RAB3GAP2: variants seen among roughly 807,000 people sequenced by gnomAD.
RAB3GAP2 encodes RAB3 GTPase activating non-catalytic protein subunit 2, also known as rab3 GTPase-activating protein non-catalytic subunit.
RAB3GAP2 carries 87 observed loss-of-function variants against 185.3 expected under a neutral mutation model. That is an observed-to-expected ratio of 0.47 (90% CI 0.39 to 0.56). RAB3GAP2 has a LOEUF of 0.56. Among genes scored for constraint, RAB3GAP2 ranks in the 20% least tolerant of loss-of-function variants. The pLI, the probability that RAB3GAP2 is intolerant of heterozygous loss-of-function variation, is 0.00. For missense variants in RAB3GAP2, 1,492 were observed against 1,638.2 expected (o/e 0.91, Z 1.54); for synonymous variants, 554 against 576.1 (o/e 0.96, Z 0.55).
rs1251272203 is a variant in RAB3GAP2, at chr1:220,184,095, CAT to C, written c.1937_1938del (p.Tyr646Ter). Reference sequence around the variant, plus strand: ...AGGGAATTTAATTGACTGACAGACTCATAGAGTTGCAGCAGTTTTAGTTTATT... The same window carrying C: ...AGGGAATTTAATTGACTGACAGACTCAGAGTTGCAGCAGTTTTAGTTTATT... The part of the protein sequence containing the change: ...CANKLKLLQL[Y>X]ESVSQLNSLD... On this transcript the variant is annotated frameshift_variant, in exon 19 of 35. Transcript: ENST00000358951. LOFTEE classifies it high-confidence loss of function. 3.1e-6 allele frequency: 5 copies of C among 1,604,636 alleles called. No individual in the cohort carries two copies. Among genetic ancestry groups the C allele is most frequent in the Non-Finnish European group, 4.3e-6 (5 of 1,171,898 alleles).
chr1:220,179,244 CAAAAAAAAAAA>C (rs71169437), intron 21 of RAB3GAP2, among the ~76,000 whole-genome samples: 6 of 56,828 alleles, frequency 1.1e-4, no homozygotes, highest in African/African-American at 3.0e-4. Flanking sequence ...GAGACTGTCT[CAAAAAAAAAAA>C]AAAAAAAAAA....
At chr1:220,188,789 C>A (rs570708043) in intron 17 of RAB3GAP2, among the ~76,000 whole-genome samples, 1 of 152,200 alleles carries the variant, frequency 6.6e-6, no homozygotes, top group Non-Finnish European at 1.5e-5. Context: ...ACAACCTAAC[C>A]GTTCACTGAC....
intron 28 of RAB3GAP2, among the ~76,000 whole-genome samples, chr1:220,160,368 A>G (rs572783931): frequency 2.6e-4 from 40 of 152,332 alleles, no homozygotes; most frequent in Non-Finnish European, 5.6e-4. Flanking sequence ...GGAACAACCA[A>G]GATCAGCTGA....
chr1:220,185,603 A>G lies in RAB3GAP2; in HGVS notation c.1870+48T>C, dbSNP rs112783554. The G allele has an allele frequency of 3.9e-4, 560 of 1,425,066 alleles. 3 individuals are homozygous for G. In the African/African-American group the frequency reaches 7.3e-3, roughly 19 times the overall value. 88.3% of individuals were successfully genotyped at this position (1,425,066 alleles called of 1,614,324 possible). A position where few individuals can be genotyped will look rare whatever the true frequency, so the allele number is the denominator to read the frequency against. On this transcript the variant is annotated intron_variant, in intron 18 of 34. Transcript: ENST00000358951. Reference sequence around the variant, plus strand: ...AATAGCTTTCTATAATCAGAGTTACAAAATTTGAGTTAAGAACATAACCTC... The same window carrying G: ...AATAGCTTTCTATAATCAGAGTTACGAAATTTGAGTTAAGAACATAACCTC...
chr1:220,201,693 T>G (rs560987132), intron 9 of RAB3GAP2, among the ~76,000 whole-genome samples: 5 of 151,768 alleles, frequency 3.3e-5, no homozygotes, highest in African/African-American at 1.2e-4. Context: ...AGAGACGGGG[T>G]TTCACTATGT....
chr1:220,167,170 A>C (rs1658084125), intron 26 of RAB3GAP2, 123 bp downstream of exon 26: 1 of 845,368 alleles, frequency 1.2e-6, no homozygotes, highest in African/African-American at 1.7e-5. Flanking sequence ...TAGTTAGTAC[A>C]GAGGCATTAC....
rs557645614 is a variant in RAB3GAP2, at chr1:220,211,593, T to C, written c.387-591A>G. ...GGTGTGATGTTATATAAAAAAGATA[T>C]ATTTTTTTTCTGACATGTAGACTTG... is the stretch of plus-strand genomic sequence containing the variant. On this transcript the variant is annotated intron_variant, in intron 4 of 34. Coordinates refer to ENST00000358951, the MANE Select transcript of RAB3GAP2 (RefSeq NM_012414.4). 1.1e-3 allele frequency among the ~76,000 whole-genome samples: 171 copies of C among 152,360 alleles called. 2 individuals are homozygous for C. The highest frequency in any genetic ancestry group is 3.9e-3 in the African/African-American group (161 of 41,592).
At chr1:220,230,419 A>G (rs1659476920) in intron 2 of RAB3GAP2, among the ~76,000 whole-genome samples, 1 of 152,244 alleles carries the variant, frequency 6.6e-6, no homozygotes, top group East Asian at 1.9e-4. Context: ...AGCATTAGAA[A>G]GAGGACCAGG....
intron 2 of RAB3GAP2, among the ~76,000 whole-genome samples, chr1:220,230,981 C>T (rs1316167291): frequency 6.6e-6 from 1 of 152,156 alleles, no homozygotes; most frequent in Non-Finnish European, 1.5e-5. Flanking sequence ...AAGCCACAAT[C>T]ATCTCTCAAC....
intron 20 of RAB3GAP2, 67 bp downstream of exon 20, chr1:220,182,651 A>G (rs1420351651): frequency 1.1e-5 from 14 of 1,296,246 alleles, no homozygotes; most frequent in African/African-American, 8.9e-5. Flanking sequence ...CTGAGATGCT[A>G]TATGTTCCTA....
In RAB3GAP2 at chr1:220,148,635, T is replaced by G. The variant is rs1266900867; in HGVS notation, c.*2616A>C. The G allele has an allele frequency of 6.6e-6, 1 of 152,206 alleles. No individual in the cohort carries two copies. Among genetic ancestry groups the G allele is most frequent in the Non-Finnish European group, 1.5e-5 (1 of 68,022 alleles). The allele number at this position is 152,206 out of a possible 1,614,324, so 9.4% of individuals were successfully genotyped here. On this transcript the variant is annotated 3_prime_UTR_variant, in exon 35 of 35. Transcript: ENST00000358951. ...TCAGTGTAAGTCTCATATTATTAAA[T>G]TTCAGATTTTTGACTTTTTAGATCG... is the stretch of plus-strand genomic sequence containing the variant.
chr1:220,220,821 G>C (rs1439311086), intron 2 of RAB3GAP2, among the ~76,000 whole-genome samples: 1 of 152,216 alleles, frequency 6.6e-6, no homozygotes, highest in Non-Finnish European at 1.5e-5. Flanking sequence ...GTGAGACATG[G>C]CTTTCACCTT....
chr1:220,153,437 C>T, intron 32 of RAB3GAP2, 31 bp from the exon 33 acceptor site: 1 of 1,569,746 alleles, frequency 6.4e-7, no homozygotes, highest in Non-Finnish European at 8.8e-7. Context: ...TAGAGCAATG[C>T]ATTGTTACTG....
At chr1:220,169,588 C>T (rs1658137587) in intron 24 of RAB3GAP2, among the ~76,000 whole-genome samples, 2 of 152,118 alleles carry the variant, frequency 1.3e-5, no homozygotes, top group African/African-American at 4.8e-5. Context: ...CACACGGATG[C>T]TTCATTTTAA....
chr1:220,206,737 G>C (rs912240188), intron 7 of RAB3GAP2, among the ~76,000 whole-genome samples: 1 of 152,132 alleles, frequency 6.6e-6, no homozygotes, highest in Non-Finnish European at 1.5e-5. Context: ...GCAAATATGA[G>C]AGGTCATCAT....
chr1:220,159,998 C>A (rs1032893321), intron 28 of RAB3GAP2, among the ~76,000 whole-genome samples: 1 of 151,476 alleles, frequency 6.6e-6, no homozygotes, highest in African/African-American at 2.4e-5. Flanking sequence ...GCCCGGGCAA[C>A]AGAGTGAGAC....
chr1:220,189,484 G>A lies in RAB3GAP2; in HGVS notation c.1779+219C>T, dbSNP rs1300999883. Among the ~76,000 whole-genome samples the A allele has an allele frequency of 2.7e-5, 4 of 150,414 alleles. No individual in the cohort carries two copies. The East Asian group carries it at 7.8e-4, about 29-fold the overall frequency. On this transcript the variant is annotated intron_variant, in intron 17 of 34. Transcript: ENST00000358951. ...TCCCCCTGCCTCGGCCTCCCAAAGT[G>A]CTAGGATTACAGTTACAGGCATGAA...
At chr1:220,169,148 T>C (rs1294147261) in intron 24 of RAB3GAP2, among the ~76,000 whole-genome samples, 1 of 152,012 alleles carries the variant, frequency 6.6e-6, no homozygotes, top group Non-Finnish European at 1.5e-5. Flanking sequence ...GTGTGGTGAG[T>C]TTACAATAAG....
chr1:220,210,371 A>G lies in RAB3GAP2; in HGVS notation c.612+17T>C, dbSNP rs1016014586. The G allele has an allele frequency of 5.6e-6, 9 of 1,598,406 alleles. No homozygotes were observed. Among genetic ancestry groups the G allele is most frequent in the Non-Finnish European group, 7.7e-6 (9 of 1,165,774 alleles). On this transcript the variant is annotated intron_variant, in intron 7 of 34. Transcript: ENST00000358951. ...ATAATGCCACTGTTACTGTTGGAAC[A>G]CAATTTTTTACACTACCTGCTCAGT...
Sources: allele counts gnomAD v4.1 joint callset (sites outside exome capture counted in the v4.1 genomes callset), GRCh38; gene constraint gnomAD v4.1.1; transcripts MANE v1.5; gene names NCBI Gene and HGNC (gene_info 2026-07-23, HGNC 2026-07-21).